ZDHHC11: variants seen among roughly 807,000 people sequenced by gnomAD.
ZDHHC11 encodes zDHHC palmitoyltransferase 11, also known as palmitoyltransferase ZDHHC11.
In ZDHHC11, 44 loss-of-function variants were observed where a neutral mutation model predicts 51.3. That is an observed-to-expected ratio of 0.86 (90% CI 0.67 to 1.10). The LOEUF (loss-of-function observed/expected upper bound fraction) is 1.10, where lower values mean the gene tolerates loss of function less well. Among genes scored for constraint, ZDHHC11 ranks in the 50% least tolerant of loss-of-function variants. The pLI, the probability that ZDHHC11 is intolerant of heterozygous loss-of-function variation, is 0.00. For synonymous variants in ZDHHC11, 163 were observed against 222.0 expected (o/e 0.73, Z 2.36); for missense variants, 400 against 537.7 (o/e 0.74, Z 2.53).
At chr5:838,011 C>A (rs1047580945) in intron 5 of ZDHHC11, among the ~76,000 whole-genome samples, 1 of 151,872 alleles carries the variant, frequency 6.6e-6, no homozygotes, top group Non-Finnish European at 1.5e-5. Context: ...GCGGCCACCC[C>A]GAGGTGCTGG....
At chr5:804,552 T>C (rs940278529) in intron 11 of ZDHHC11, among the ~76,000 whole-genome samples, 11 of 151,232 alleles carry the variant, frequency 7.3e-5, no homozygotes, top group African/African-American at 2.7e-4. Context: ...CAAGACACAT[T>C]ACAGTTAGAT....
intron 6 of ZDHHC11, among the ~76,000 whole-genome samples, chr5:836,961 G>A (rs568630954): frequency 6.6e-6 from 1 of 151,280 alleles, no homozygotes; most frequent in African/African-American, 2.4e-5. Flanking sequence ...GGAGGCTGAG[G>A]TAGGCAAACT....
intron 11 of ZDHHC11, among the ~76,000 whole-genome samples, chr5:811,612 A>G (rs1381585020): frequency 6.8e-6 from 1 of 146,466 alleles, no homozygotes; most frequent in Non-Finnish European, 1.5e-5. Context: ...TCCTCTGCCC[A>G]CCTGGGGAAG....
intron 3 of ZDHHC11, among the ~76,000 whole-genome samples, chr5:846,859 C>CGCCCATCTGCGCTGG (rs1746287000): frequency 6.9e-6 from 1 of 144,378 alleles, no homozygotes; most frequent in African/African-American, 2.7e-5. Flanking sequence ...AAACACCTCT[C>CGCCCATCTGCGCTGG]GTTCTTGCAC....
At chr5:824,211 T>C (rs1302047594) in intron 8 of ZDHHC11, 1 of 376,132 alleles carries the variant, frequency 2.7e-6, no homozygotes, top group Non-Finnish European at 5.4e-6. Context: ...CTAATCCCTG[T>C]GCTATTAGAG....
At chr5:852,632 G>A (rs891236382), upstream of ZDHHC11, among the ~76,000 whole-genome samples, 3 of 150,694 alleles carry the variant, frequency 2.0e-5, no homozygotes, top group African/African-American at 7.4e-5. Context: ...AGACTCCACA[G>A]AGGACAGTGA....
intron 3 of ZDHHC11, among the ~76,000 whole-genome samples, 195 bp from the exon 4 acceptor site, chr5:843,919 G>A (rs1370457090): frequency 4.3e-5 from 5 of 116,762 alleles, no homozygotes; most frequent in East Asian, 2.9e-4. Context: ...GGGACACGCA[G>A]GGCATCTGAG....
In ZDHHC11 at chr5:828,863, C is replaced by A. The variant is rs543057389; in HGVS notation, c.936-3612G>T. Among the ~76,000 whole-genome samples the A allele has an allele frequency of 4.4e-5, 6 of 137,206 alleles. 1 individual carries two copies. Among genetic ancestry groups the A allele is most frequent in the Non-Finnish European group, 9.5e-5 (6 of 63,250 alleles). The allele number at this position is 137,206 out of a possible 152,430, so 90.0% of individuals were successfully genotyped here. On this transcript the variant is annotated intron_variant, in intron 7 of 12. Transcript: ENST00000283441. ...TCCAAAAGGAACCCATGAAATTACA[C>A]AAATATGTAGAAATTAAATAACTGC...
intron 3 of ZDHHC11, among the ~76,000 whole-genome samples, chr5:847,032 G>A (rs868596111): frequency 1.3e-4 from 18 of 135,332 alleles, no homozygotes; most frequent in East Asian, 5.3e-4. Flanking sequence ...CATCTCCACC[G>A]TGCTCAGGGG....
At chr5:860,243 G>T (rs114398809), upstream of ZDHHC11, among the ~76,000 whole-genome samples, 3,370 of 152,334 alleles carry the variant, frequency 0.022, 52 homozygotes, top group Middle Eastern at 0.044. This position sits in a 1 kb window ranked among gnomAD's most constrained non-coding sequence, Gnocchi z 4.2. Context: ...CAGCTGCTCT[G>T]GCCAGAGAGG....
chr5:848,685 C>T (rs774392922), intron 1 of ZDHHC11, 25 bp from the exon 2 acceptor site: 6 of 1,610,548 alleles, frequency 3.7e-6, no homozygotes, highest in East Asian at 2.2e-5. Flanking sequence ...AAGAACCTGG[C>T]CCAGGGCCTG....
chr5:844,538 A>C (rs111927797), intron 3 of ZDHHC11, among the ~76,000 whole-genome samples: 95 of 148,170 alleles, frequency 6.4e-4, no homozygotes, highest in African/African-American at 2.4e-3. Context: ...GGCTCGGTCC[A>C]CTCGGGGGGC....
intron 6 of ZDHHC11, among the ~76,000 whole-genome samples, chr5:834,380 G>A (rs1162816928): frequency 6.6e-5 from 10 of 152,262 alleles, no homozygotes; most frequent in African/African-American, 2.4e-5. Context: ...TTGTAGAGAT[G>A]CTCAGGCTGG....
chr5:810,767 G>A (rs1259592516), intron 11 of ZDHHC11, among the ~76,000 whole-genome samples: 17 of 151,498 alleles, frequency 1.1e-4, no homozygotes, highest in Non-Finnish European at 1.0e-4. Context: ...CTCGTGTGGT[G>A]TTGGTATAAC....
At chr5:838,570 C>G (rs1289929125) in intron 5 of ZDHHC11, among the ~76,000 whole-genome samples, 1 of 152,082 alleles carries the variant, frequency 6.6e-6, no homozygotes, top group Non-Finnish European at 1.5e-5. Context: ...CCTGGACATC[C>G]TGGAGTCACT....
intron 5 of ZDHHC11, among the ~76,000 whole-genome samples, chr5:838,623 G>A (rs1399460613): frequency 5.3e-5 from 8 of 152,134 alleles, no homozygotes; most frequent in Non-Finnish European, 7.4e-5. Flanking sequence ...ACAGGCCTGG[G>A]CGTCCTGCCT....
At chr5:839,137 G>A (rs1245031172) in intron 5 of ZDHHC11, among the ~76,000 whole-genome samples, 9 of 110,878 alleles carry the variant, frequency 8.1e-5, no homozygotes, top group Non-Finnish European at 1.7e-4. Context: ...AGCCTTCATA[G>A]GTGGTAAACC....
chr5:828,060 G>C (rs558155622), intron 7 of ZDHHC11, among the ~76,000 whole-genome samples: 1 of 151,454 alleles, frequency 6.6e-6, no homozygotes, highest in East Asian at 1.9e-4. Context: ...TTGGGGGTAA[G>C]GTCATAGATC....
chr5:818,936 AG>A (rs1741197692), intron 10 of ZDHHC11, among the ~76,000 whole-genome samples: 1 of 151,530 alleles, frequency 6.6e-6, no homozygotes, highest in Admixed American at 6.6e-5. Flanking sequence ...GTGGCCCTAA[AG>A]CCGGTAGCCA....
Sources: gnomAD v4.1 joint callset for allele counts (sites outside exome capture counted in the v4.1 genomes callset) on GRCh38, gnomAD v4.1.1 for gene constraint, Gnocchi (gnomAD v3.1) non-coding constraint, MANE v1.5 for transcripts, NCBI Gene and HGNC (gene_info 2026-07-23, HGNC 2026-07-21) for gene names.